FILIP1L: variants seen among roughly 807,000 people sequenced by gnomAD.
FILIP1L encodes filamin A-interacting protein 1-like.
A neutral mutation model predicts 96.6 loss-of-function variants in FILIP1L; 55 were observed. The observed-to-expected ratio is 0.57, with a 90% CI of 0.46 to 0.71. FILIP1L has a LOEUF of 0.71. Among genes scored for constraint, FILIP1L ranks in the 30% least tolerant of loss-of-function variants. The probability of loss-of-function intolerance (pLI) is 0.00; values close to 1 mark genes in which losing one functional copy is unlikely to be tolerated. For missense variants in FILIP1L, 1,304 were observed against 1,321.2 expected (o/e 0.99, Z 0.20); for synonymous variants, 467 against 473.9 (o/e 0.99, Z 0.19).
chr3:99,838,713 T>C (rs946531090), intron 5 of FILIP1L, among the ~76,000 whole-genome samples: 2 of 152,206 alleles, frequency 1.3e-5, no homozygotes, highest in African/African-American at 2.4e-5. Context: ...TTTTGTGACA[T>C]ACTAACAGAA....
intron 1 of FILIP1L, chr3:100,075,482 C>A (rs2065835502): frequency 6.6e-6 from 1 of 151,984 alleles, no homozygotes; most frequent in Non-Finnish European, 1.5e-5. Context: ...TTTATAAGTT[C>A]TCTTACCTTC....
At chr3:99,865,276 G>A (rs1469917324) in intron 4 of FILIP1L, among the ~76,000 whole-genome samples, 1 of 152,160 alleles carries the variant, frequency 6.6e-6, no homozygotes, top group African/African-American at 2.4e-5. Context: ...TGAGTAATTG[G>A]CAGAGCCAGA....
chr3:99,917,366 A>G (rs1706985990), intron 4 of FILIP1L, among the ~76,000 whole-genome samples: 1 of 151,846 alleles, frequency 6.6e-6, no homozygotes, highest in African/African-American at 2.4e-5. Flanking sequence ...TTTATCTTGG[A>G]CCTCCCGTAA....
In FILIP1L at chr3:100,070,501, G is replaced by A. The variant is rs1444163692; in HGVS notation, c.-11+43552C>T. On this transcript the variant is annotated intron_variant, in intron 1 of 5. Transcript: ENST00000477258. ...GTTTTCAACTTAAATACATTTTAAG[G>A]TATAAAACTTACAGATAAACCTTGT... Among the ~76,000 whole-genome samples, 4 of 152,270 alleles carry A rather than the reference G, an allele frequency of 2.6e-5. No homozygotes were observed. In the South Asian group the frequency reaches 8.3e-4, roughly 32 times the overall value.
chr3:100,050,256 C>T (rs1479583761), intron 1 of FILIP1L, among the ~76,000 whole-genome samples: 3 of 152,156 alleles, frequency 2.0e-5, no homozygotes, highest in Non-Finnish European at 2.9e-5. Flanking sequence ...GTATTAACCT[C>T]CCTTATAACT....
chr3:99,927,695 A>G (rs1707339612), intron 3 of FILIP1L, among the ~76,000 whole-genome samples: 1 of 152,104 alleles, frequency 6.6e-6, no homozygotes. Context: ...TATTTTTTGG[A>G]AGAACTAAGA....
At chr3:99,860,646 G>C (rs1232023386) in intron 4 of FILIP1L, among the ~76,000 whole-genome samples, 2 of 152,262 alleles carry the variant, frequency 1.3e-5, no homozygotes, top group East Asian at 1.9e-4. Context: ...TTCTGGGCTA[G>C]AAAAGACACT....
intron 5 of FILIP1L, among the ~76,000 whole-genome samples, chr3:99,847,392 C>A (rs1375126817): frequency 6.7e-6 from 1 of 149,410 alleles, no homozygotes; most frequent in Non-Finnish European, 1.5e-5. Flanking sequence ...GAGTTTATGT[C>A]ACAGTGGCTG....
chr3:100,058,327 A>T (rs1377504978), intron 1 of FILIP1L, among the ~76,000 whole-genome samples: 1 of 152,186 alleles, frequency 6.6e-6, no homozygotes, highest in African/African-American at 2.4e-5. Flanking sequence ...TACAGAATGA[A>T]ACTTTGTACA....
intron 1 of FILIP1L, among the ~76,000 whole-genome samples, chr3:99,956,867 C>A (rs1297555600): frequency 6.6e-6 from 1 of 152,190 alleles, no homozygotes; most frequent in African/African-American, 2.4e-5. Context: ...TCATTGTACT[C>A]ATCTCCTAAT....
At chr3:100,005,259 CTT>C (rs1400316908) in intron 1 of FILIP1L, among the ~76,000 whole-genome samples, 1 of 152,180 alleles carries the variant, frequency 6.6e-6, no homozygotes, top group Non-Finnish European at 1.5e-5. Flanking sequence ...AGATTGCTCA[CTT>C]TGTGTTTTTG....
chr3:100,023,468 A>G (rs935117427), intron 1 of FILIP1L: 3 of 152,646 alleles, frequency 2.0e-5, no homozygotes, highest in African/African-American at 7.2e-5. Context: ...TTGAAAGTGA[A>G]GTCAGACTAA....
chr3:99,851,935 G>A (rs1490457419), intron 4 of FILIP1L, among the ~76,000 whole-genome samples: 1 of 152,148 alleles, frequency 6.6e-6, no homozygotes, highest in South Asian at 2.1e-4. Flanking sequence ...CATGCGGTTT[G>A]GTAGGAAAGT....
chr3:99,998,760 C>T (rs1048215022), intron 1 of FILIP1L, among the ~76,000 whole-genome samples: 3 of 151,980 alleles, frequency 2.0e-5, no homozygotes, highest in Non-Finnish European at 2.9e-5. Flanking sequence ...TAGTAGAGAC[C>T]GGGTTTCACC....
chr3:99,850,261 A>G lies in FILIP1L; in HGVS notation c.1415T>C (p.Leu472Pro), dbSNP rs1210267547. ...LESLKVRIKE[L>P]EAIESRLEKT... is the part of the protein sequence containing the mutation. ...TTCTAGCCGACTTTCAATGGCTTCT[A>G]GCTCTTTGATCCTTACTTTTAAACT... Residue 472 changes from leucine (L) to proline (P), a missense_variant, in exon 5 of 6, where the codon CTA (leucine) becomes CCA (proline). By Grantham distance (98) the Leu-to-Pro change is moderately conservative. Coordinates refer to ENST00000477258, the MANE Select transcript of FILIP1L (RefSeq NM_001387850.1). The G allele has an allele frequency of 6.2e-7, 1 of 1,613,908 alleles. No homozygotes were observed.
At chr3:99,976,517 C>T (rs1278864723) in intron 1 of FILIP1L, among the ~76,000 whole-genome samples, 3 of 152,248 alleles carry the variant, frequency 2.0e-5, no homozygotes, top group African/African-American at 7.2e-5. Flanking sequence ...CAGTAACTGG[C>T]AGTCTAGTCC....
chr3:100,105,322 C>T (rs1437031842), intron 1 of FILIP1L, among the ~76,000 whole-genome samples: 1 of 152,176 alleles, frequency 6.6e-6, no homozygotes, highest in Non-Finnish European at 1.5e-5. Context: ...TCAGGAAAGA[C>T]ATGAGCAATA....
At chr3:99,982,087 GGTT>G (rs1402265275) in intron 1 of FILIP1L, among the ~76,000 whole-genome samples, 1 of 151,932 alleles carries the variant, frequency 6.6e-6, no homozygotes, top group Non-Finnish European at 1.5e-5. Context: ...CTTTTGTGAC[GGTT>G]GTTAGTCTTG....
intron 4 of FILIP1L, among the ~76,000 whole-genome samples, chr3:99,884,002 C>T (rs1705814588): frequency 6.6e-6 from 1 of 152,170 alleles, no homozygotes; most frequent in Non-Finnish European, 1.5e-5. Context: ...CAGAGAGTTA[C>T]AGAACTTTGT....
Sources: allele counts gnomAD v4.1 joint callset (sites outside exome capture counted in the v4.1 genomes callset), GRCh38; gene constraint gnomAD v4.1.1; transcripts MANE v1.5; gene names NCBI Gene and HGNC (gene_info 2026-07-23, HGNC 2026-07-21).